HIVEP2: variants seen among roughly 807,000 people sequenced by gnomAD.
HIVEP2 encodes the protein HIVEP zinc finger 2, also known as transcription factor HIVEP2.
A neutral mutation model predicts 180.7 loss-of-function variants in HIVEP2; 14 were observed. That is an observed-to-expected ratio of 0.08 (90% CI 0.05 to 0.12). The LOEUF (loss-of-function observed/expected upper bound fraction) is 0.12. Among genes scored for constraint, HIVEP2 ranks in the 10% least tolerant of loss-of-function variants. HIVEP2 has a pLI of 1.00. For missense variants in HIVEP2, 2,579 were observed against 3,008.5 expected, an observed-to-expected ratio of 0.86 and a Z score of 3.34; for synonymous variants, 1,184 against 1,136.4, an observed-to-expected ratio of 1.04 and a Z score of -0.84.
intron 2 of HIVEP2, among the ~76,000 whole-genome samples, chr6:142,808,660 G>A (rs1394945621): frequency 1.3e-5 from 2 of 150,228 alleles, no homozygotes; most frequent in Non-Finnish European, 3.0e-5. Context: ...AAGAAAGGAG[G>A]GCTAGATGGA....
intron 9 of HIVEP2, among the ~76,000 whole-genome samples, chr6:142,756,920 G>C (rs1276134735): frequency 6.6e-6 from 1 of 152,020 alleles, no homozygotes; most frequent in Non-Finnish European, 1.5e-5. Context: ...TTTGTGTCTA[G>C]AGCTCCTTAC....
intron 1 of HIVEP2, among the ~76,000 whole-genome samples, chr6:142,903,509 TGAA>T (rs1314133630): frequency 6.6e-6 from 1 of 152,192 alleles, no homozygotes; most frequent in African/African-American, 2.4e-5. Flanking sequence ...TGCTATGTAT[TGAA>T]GAATCCACAA....
At position 142,834,475 on chromosome 6, in the gene HIVEP2, TA is replaced by T. The variant is rs1313120552; in HGVS notation, c.-528+2459del. Among the ~76,000 whole-genome samples the T allele has an allele frequency of 4.6e-5, 7 of 152,270 alleles. No homozygotes were observed. The East Asian group carries it at 1.3e-3, about 29-fold the overall frequency. On this transcript the variant is annotated intron_variant, in intron 2 of 9. Transcript: ENST00000367603. ...TTCACCTTCTTTTTTTAGGAAGGAATATCACTTACATAATTCCTAAATAAAT... is the reference window on the plus strand; with the variant it reads ...TTCACCTTCTTTTTTTAGGAAGGAATTCACTTACATAATTCCTAAATAAAT...
chr6:142,806,904 A>G (rs1343006669), intron 2 of HIVEP2, among the ~76,000 whole-genome samples: 8 of 152,146 alleles, frequency 5.3e-5, no homozygotes, highest in Non-Finnish European at 1.0e-4. Context: ...CTCTGGCTGT[A>G]AGGAGCTGGC....
At chr6:142,873,319 T>C (rs755955895) in intron 1 of HIVEP2, among the ~76,000 whole-genome samples, 1 of 152,202 alleles carries the variant, frequency 6.6e-6, no homozygotes, top group Non-Finnish European at 1.5e-5. Flanking sequence ...TTTTTTCTTA[T>C]CTCTACTTTC....
intron 2 of HIVEP2, among the ~76,000 whole-genome samples, chr6:142,831,301 T>G (rs1447470994): frequency 6.6e-6 from 1 of 152,184 alleles, no homozygotes; most frequent in Non-Finnish European, 1.5e-5. Flanking sequence ...TCATCTGTGA[T>G]GTAAGCGTGG....
chr6:142,843,943 T>C (rs544433507), intron 1 of HIVEP2, among the ~76,000 whole-genome samples: 4 of 152,198 alleles, frequency 2.6e-5, no homozygotes, highest in Non-Finnish European at 5.9e-5. Context: ...TTCACTACAA[T>C]AGATTTAATA....
Position 142,770,807 on chromosome 6 carries a change from T to C in HIVEP2, c.3932A>G (p.Glu1311Gly). The C allele has an allele frequency of 6.2e-7, 1 of 1,614,232 alleles. No individual in the cohort carries two copies. Among genetic ancestry groups the C allele is most frequent in the Non-Finnish European group, 8.5e-7 (1 of 1,180,050 alleles). ...GGCAAAATCTTCTTGAAGAACCTGC[T>C]CAGAGGGCGTTTCAGTTGACTTACT... The part of the protein sequence containing the change: ...QSSKSTETPS[E>G]QVLQEDFASA... Residue 1311 changes from glutamate (E) to glycine (G), a missense_variant, in exon 5 of 10, where the codon GAG becomes GGG. Physicochemically the swap from Glu to Gly is moderately conservative, Grantham distance 98 (BLOSUM62 -2). Transcript: ENST00000367603. The surrounding 1 kb of genome is among the most constrained non-coding windows in gnomAD (Gnocchi z 4.7).
At chr6:142,883,220 G>A (rs1350602132) in intron 1 of HIVEP2, among the ~76,000 whole-genome samples, 1 of 152,066 alleles carries the variant, frequency 6.6e-6, no homozygotes, top group East Asian at 1.9e-4. Context: ...AGCTTTGGGA[G>A]AAAAGATTTG....
At chr6:142,791,552 T>C (rs1776138551) in intron 2 of HIVEP2, among the ~76,000 whole-genome samples, 1 of 152,220 alleles carries the variant, frequency 6.6e-6, no homozygotes, top group Admixed American at 6.5e-5. Context: ...TATAAGATCC[T>C]ATTGGGCAAA....
chr6:142,849,408 G>A (rs2114919747), intron 1 of HIVEP2, among the ~76,000 whole-genome samples: 1 of 152,306 alleles, frequency 6.6e-6, no homozygotes, highest in African/African-American at 2.4e-5. Context: ...AAATGTCCAA[G>A]TAGACATTTG....
intron 1 of HIVEP2, among the ~76,000 whole-genome samples, chr6:142,888,274 A>C (rs913680959): frequency 6.6e-6 from 1 of 152,008 alleles, no homozygotes; most frequent in Non-Finnish European, 1.5e-5. Flanking sequence ...CAATGGTGTG[A>C]CCACAACTCA....
At chr6:142,823,517 A>G (rs960290570) in intron 2 of HIVEP2, among the ~76,000 whole-genome samples, 5 of 152,200 alleles carry the variant, frequency 3.3e-5, no homozygotes, top group Admixed American at 1.3e-4. Flanking sequence ...ATGCTTAGGT[A>G]AAAGAAAAGA....
At chr6:142,769,430 C>T (rs983673189) in intron 5 of HIVEP2, 122 bp downstream of exon 5, 23 of 828,600 alleles carry the variant, frequency 2.8e-5, no homozygotes, top group African/African-American at 2.2e-4. Context: ...TTTCTGAAAA[C>T]GCCCCCACAC....
At chr6:142,828,342 T>C (rs1774970327) in intron 2 of HIVEP2, among the ~76,000 whole-genome samples, 1 of 152,206 alleles carries the variant, frequency 6.6e-6, no homozygotes, top group South Asian at 2.1e-4. Flanking sequence ...TTCCCCACTT[T>C]TGCAGTGTCA....
intron 1 of HIVEP2, among the ~76,000 whole-genome samples, chr6:142,867,443 C>T (rs1776167888): frequency 6.6e-6 from 1 of 152,116 alleles, no homozygotes; most frequent in South Asian, 2.1e-4. Flanking sequence ...GCTTGAAGTG[C>T]CTTCTACAAG....
intron 1 of HIVEP2, among the ~76,000 whole-genome samples, chr6:142,900,278 G>C (rs1191003665): frequency 6.6e-6 from 1 of 152,160 alleles, no homozygotes; most frequent in African/African-American, 2.4e-5. Flanking sequence ...TGGGGAAATT[G>C]ACAAAGATGA....
chr6:142,832,012 T>C (rs931706446), intron 2 of HIVEP2, among the ~76,000 whole-genome samples: 1 of 151,818 alleles, frequency 6.6e-6, no homozygotes, highest in African/African-American at 2.4e-5. Context: ...GCCAACATAG[T>C]GAAACTCCAT....
intron 2 of HIVEP2, among the ~76,000 whole-genome samples, chr6:142,797,291 T>C (rs1218994490): frequency 1.3e-5 from 2 of 152,158 alleles, no homozygotes; most frequent in African/African-American, 4.8e-5. Flanking sequence ...ACTTCATCTA[T>C]CCAAGTCACT....
Sources: allele counts gnomAD v4.1 joint callset (sites outside exome capture counted in the v4.1 genomes callset), GRCh38; gene constraint gnomAD v4.1.1; non-coding constraint Gnocchi (gnomAD v3.1); transcripts MANE v1.5; gene names NCBI Gene and HGNC (gene_info 2026-07-23, HGNC 2026-07-21).